Variants in TMPO observed in about 807,000 individuals in gnomAD.
TMPO encodes the protein thymopoietin, also known as LEM domain containing 4.
A neutral mutation model predicts 45.4 loss-of-function variants in TMPO; 22 were observed. That is an observed-to-expected ratio of 0.48 (90% CI 0.35 to 0.69). The LOEUF (loss-of-function observed/expected upper bound fraction) is 0.69. TMPO is among the 30% of genes least tolerant of loss of function. The probability of loss-of-function intolerance (pLI) is 0.01; values close to 1 mark genes in which losing one functional copy is unlikely to be tolerated. For synonymous variants in TMPO, 241 were observed against 204.1 expected (o/e 1.18, Z -1.54); for missense variants, 512 against 548.8 (o/e 0.93, Z 0.67).
intron 1 of TMPO, among the ~76,000 whole-genome samples, chr12:98,518,474 T>TTTTTTTTTTG (rs1876067419): frequency 7.0e-6 from 1 of 142,876 alleles, no homozygotes; most frequent in African/African-American, 2.7e-5. Flanking sequence ...TCTAATCTTT[T>TTTTTTTTTTG]TTTTTTTTTT....
chr12:98,544,223 T>A lies in TMPO; in HGVS notation c.664-7T>A, dbSNP rs1455404793. The A allele has an allele frequency of 6.2e-7, 1 of 1,613,688 alleles. No individual in the cohort carries two copies. Among genetic ancestry groups the A allele is most frequent in the Non-Finnish European group, 8.5e-7 (1 of 1,179,742 alleles). The stretch of plus-strand genomic sequence containing the variant: ...TATGACTTTTTAATGTGTTGATGCT[T>A]GAATAGAGCTATTCTCAAGCTGGAA... On this transcript the variant is annotated splice_polypyrimidine_tract_variant and splice_region_variant and intron_variant, in intron 4 of 8. Transcript: ENST00000556029.
intron 3 of TMPO, chr12:98,535,714 C>T (rs1210864878): frequency 9.5e-5 from 89 of 941,694 alleles, no homozygotes; most frequent in Non-Finnish European, 1.1e-4. Context: ...TATATGAACA[C>T]CCCTTTTCCA....
intron 1 of TMPO, among the ~76,000 whole-genome samples, chr12:98,523,612 T>C (rs558297472): frequency 1.3e-4 from 20 of 152,292 alleles, no homozygotes; most frequent in African/African-American, 4.8e-4. Context: ...TGGTCACTTA[T>C]TTAAGATATC....
chr12:98,538,984 T>G (rs1877737906), intron 4 of TMPO, among the ~76,000 whole-genome samples: 2 of 151,956 alleles, frequency 1.3e-5, no homozygotes, highest in Admixed American at 6.6e-5. Context: ...GCGGATCACC[T>G]GAGGTCCGGA....
intron 4 of TMPO, 119 bp from the exon 5 acceptor site, chr12:98,544,111 G>C: frequency 8.9e-7 from 1 of 1,125,014 alleles, no homozygotes; most frequent in Non-Finnish European, 1.3e-6. Context: ...ACATAGCCTT[G>C]TTTGTAAATG....
rs554726606 is a variant in TMPO, at chr12:98,524,530, G to A, written c.280-3356G>A. Among the ~76,000 whole-genome samples the A allele has an allele frequency of 3.9e-5, 6 of 151,970 alleles. No homozygotes were observed. The South Asian group carries it at 8.3e-4, about 21-fold the overall frequency. ...GAAGGTTGCAGCAAGGCAAGATGGCGCTACTGCACTCCAGCCTGGGCGAGA... is the reference window on the plus strand; with the variant it reads ...GAAGGTTGCAGCAAGGCAAGATGGCACTACTGCACTCCAGCCTGGGCGAGA... On this transcript the variant is annotated intron_variant, in intron 1 of 8. Coordinates refer to ENST00000556029, the MANE Select transcript of TMPO (RefSeq NM_001032283.3).
Position 98,521,770 on chromosome 12 carries a change from T to C in TMPO, c.279+5624T>C, listed in dbSNP as rs534434419. ...TTTGAGAAGGAGTCTTGCGCTGTCA[T>C]CCAGGCTGGAGTGCAGTGGCGCGAT... On this transcript the variant is annotated intron_variant, in intron 1 of 8. Coordinates refer to ENST00000556029, the MANE Select transcript of TMPO (RefSeq NM_001032283.3). 6.4e-4 allele frequency among the ~76,000 whole-genome samples: 98 copies of C among 152,148 alleles called. 1 individual carries two copies. The highest frequency in any genetic ancestry group is 2.0e-3 in the African/African-American group (81 of 41,504).
chr12:98,539,788 ATTTT>A (rs1165362925), intron 4 of TMPO, among the ~76,000 whole-genome samples: 1 of 151,888 alleles, frequency 6.6e-6, no homozygotes, highest in Non-Finnish European at 1.5e-5. Context: ...ATTGCTTTTG[ATTTT>A]TTTTATTTTG....
intron 3 of TMPO, chr12:98,535,373 T>TA (rs1280616857): frequency 1.4e-5 from 14 of 985,288 alleles, no homozygotes; most frequent in Non-Finnish European, 1.7e-5. Context: ...GATTGTAAGT[T>TA]AAGAGTCTTA....
At chr12:98,523,698 C>T (rs1876552059) in intron 1 of TMPO, among the ~76,000 whole-genome samples, 1 of 151,610 alleles carries the variant, frequency 6.6e-6, no homozygotes, top group South Asian at 2.1e-4. Flanking sequence ...TTTCTTTAGG[C>T]GAAGTCTGGC....
At chr12:98,538,336 C>A (rs1048366802) in intron 4 of TMPO, among the ~76,000 whole-genome samples, 1 of 152,132 alleles carries the variant, frequency 6.6e-6, no homozygotes, top group Non-Finnish European at 1.5e-5. Context: ...GTTATCTTTT[C>A]CATCTCCTAT....
rs1555203864 is a variant in TMPO, at chr12:98,533,464, C to G, written c.565+1626C>G. On this transcript the variant is annotated intron_variant, in intron 3 of 8. Transcript: ENST00000556029. ...TGGAACTTCTAACTCTATGCCCCCA[C>G]TGGATGTAGAAAACATACAGAAGAG... The G allele has an allele frequency of 1.2e-6, 2 of 1,614,054 alleles. No individual in the cohort carries two copies. The highest frequency in any genetic ancestry group is 1.7e-6 in the Non-Finnish European group (2 of 1,180,046).
Position 98,547,933 on chromosome 12 carries a change from T to C in TMPO, c.*75T>C. 1 of 1,512,142 alleles carries C rather than the reference T, an allele frequency of 6.6e-7. No homozygotes were observed. The highest frequency in any genetic ancestry group is 9.1e-7 in the Non-Finnish European group (1 of 1,099,606). 93.7% of individuals were successfully genotyped at this position (1,512,142 alleles called of 1,614,324 possible). A position where few individuals can be genotyped will look rare whatever the true frequency, so the allele number is the denominator to read the frequency against. ...TTGAAAAACATTTGTGTACACTTGT[T>C]GACTCCAAGAACTAAAAATAATGTG... On this transcript the variant is annotated 3_prime_UTR_variant, in exon 9 of 9. Coordinates refer to ENST00000556029, the MANE Select transcript of TMPO (RefSeq NM_001032283.3).
At chr12:98,528,091 G>A in intron 2 of TMPO, 79 bp downstream of exon 2, 3 of 1,561,150 alleles carry the variant, frequency 1.9e-6, no homozygotes, top group African/African-American at 1.4e-5. Flanking sequence ...TTGTTTAGCA[G>A]TTTAGGTTCC....
intron 1 of TMPO, among the ~76,000 whole-genome samples, chr12:98,524,918 C>T (rs1374867893): frequency 6.6e-6 from 1 of 152,186 alleles, no homozygotes; most frequent in Admixed American, 6.5e-5. Flanking sequence ...GAAAACCTCT[C>T]AGGCGGGTTT....
Position 98,518,438 on chromosome 12 carries a change from C to T in TMPO, c.279+2292C>T, listed in dbSNP as rs917199022. On this transcript the variant is annotated intron_variant, in intron 1 of 8. Coordinates refer to ENST00000556029, the MANE Select transcript of TMPO (RefSeq NM_001032283.3). The stretch of plus-strand genomic sequence containing the variant: ...TCCCTGAGTAGCAAGGGCAACGGGG[C>T]ATGCACCGCTACACCCGGCTAATTT... Among the ~76,000 whole-genome samples, 4 of 148,690 alleles carry T rather than the reference C, an allele frequency of 2.7e-5. No individual in the cohort carries two copies. In the Admixed American group the frequency reaches 2.7e-4, roughly 10 times the overall value.
intron 4 of TMPO, among the ~76,000 whole-genome samples, chr12:98,538,326 G>A (rs1877697068): frequency 6.6e-6 from 1 of 152,064 alleles, no homozygotes; most frequent in African/African-American, 2.4e-5. Flanking sequence ...TGTCTAGTTG[G>A]TTATCTTTTC....
chr12:98,542,451 CTTTTTT>C (rs35487542), intron 4 of TMPO, among the ~76,000 whole-genome samples: 1 of 138,310 alleles, frequency 7.2e-6, no homozygotes, highest in African/African-American at 2.7e-5. Context: ...GGGGCATTTG[CTTTTTT>C]TTTTTTTTTT....
rs1480518011 is a variant in TMPO, at chr12:98,549,760, G to T, written c.*1902G>T. Reference sequence around the variant, plus strand: ...CAGCACACAATTTTGATTTCAATTAGCCTTATTCTAATATTTAGCTTTTAG... The same window carrying T: ...CAGCACACAATTTTGATTTCAATTATCCTTATTCTAATATTTAGCTTTTAG... On this transcript the variant is annotated 3_prime_UTR_variant, in exon 9 of 9. Transcript: ENST00000556029. 6.6e-6 allele frequency: 1 copy of T among 152,180 alleles called. No homozygotes were observed. The highest frequency in any genetic ancestry group is 1.9e-4 in the East Asian group (1 of 5,202). The allele number at this position is 152,180 out of a possible 1,614,324, so 9.4% of individuals were successfully genotyped here.
Sources: allele counts gnomAD v4.1 joint callset (sites outside exome capture counted in the v4.1 genomes callset), GRCh38; gene constraint gnomAD v4.1.1; transcripts MANE v1.5; gene names NCBI Gene and HGNC (gene_info 2026-07-23, HGNC 2026-07-21).